Variants in PPARGC1A observed in about 807,000 individuals in gnomAD.
PPARGC1A encodes PPARG coactivator 1 alpha.
PPARGC1A carries 25 observed loss-of-function variants against 88.7 expected under a neutral mutation model. That is an observed-to-expected ratio of 0.28 (90% CI 0.21 to 0.39). The LOEUF is 0.39. Among genes scored for constraint, PPARGC1A ranks in the 10% least tolerant of loss-of-function variants. PPARGC1A has a pLI of 1.00. For synonymous variants in PPARGC1A, 363 were observed against 355.6 expected (o/e 1.02, Z -0.24); for missense variants, 880 against 968.7 (o/e 0.91, Z 1.22).
chr4:24,075,081 GA>G, the PPARGC1A span, among the ~76,000 whole-genome samples: 1 of 152,156 alleles, frequency 6.6e-6, no homozygotes, highest in Non-Finnish European at 1.5e-5. Flanking sequence ...TAGGGGAGAA[GA>G]AAAATTCTAC....
the PPARGC1A span, among the ~76,000 whole-genome samples, chr4:24,088,424 AGAG>A: frequency 6.6e-6 from 1 of 152,046 alleles, no homozygotes; most frequent in East Asian, 1.9e-4. Context: ...CAGAAGAAGA[AGAG>A]GAGGAAACAA....
the PPARGC1A span, among the ~76,000 whole-genome samples, chr4:24,109,403 G>A: frequency 6.6e-6 from 1 of 152,020 alleles, no homozygotes; most frequent in African/African-American, 2.4e-5. Flanking sequence ...TGGGGGTTGT[G>A]GGTGGGAAGG....
the PPARGC1A span, among the ~76,000 whole-genome samples, chr4:24,263,648 T>C: frequency 1.3e-5 from 2 of 152,224 alleles, no homozygotes; most frequent in African/African-American, 2.4e-5. Context: ...CAACCTCTCC[T>C]CTTCCTCCTC....
At chr4:24,079,226 G>C in the PPARGC1A span, among the ~76,000 whole-genome samples, 2 of 151,940 alleles carry the variant, frequency 1.3e-5, no homozygotes, top group African/African-American at 4.8e-5. Flanking sequence ...TTTCCAGAAA[G>C]GCAGTAATAA....
chr4:24,034,121 ATTAT>A, the PPARGC1A span, among the ~76,000 whole-genome samples: 2 of 152,166 alleles, frequency 1.3e-5, no homozygotes, highest in Non-Finnish European at 2.9e-5. Context: ...AAGAAGCCTC[ATTAT>A]TTCTCCCCAG....
the PPARGC1A span, among the ~76,000 whole-genome samples, chr4:24,108,996 TCACACACACACACACACACACAC>T: frequency 4.3e-5 from 6 of 139,200 alleles, no homozygotes; most frequent in African/African-American, 7.9e-5. Flanking sequence ...GCTATAAAAA[TCACACACACACACACACACACAC>T]CACACACACA....
chr4:24,158,786 A>G, the PPARGC1A span, among the ~76,000 whole-genome samples: 38 of 152,310 alleles, frequency 2.5e-4, no homozygotes, highest in African/African-American at 9.1e-4. Context: ...TTGATTCCTA[A>G]AGCACTTAGC....
At chr4:24,267,117 T>C in the PPARGC1A span, among the ~76,000 whole-genome samples, 1 of 152,164 alleles carries the variant, frequency 6.6e-6, no homozygotes, top group South Asian at 2.1e-4. Context: ...ATTACACTGA[T>C]TATGGGATTA....
the PPARGC1A span, among the ~76,000 whole-genome samples, chr4:24,379,113 TGAAAA>T: frequency 6.6e-6 from 1 of 152,148 alleles, no homozygotes; most frequent in Admixed American, 6.5e-5. Flanking sequence ...ATATTAAAAT[TGAAAA>T]GAAAACTTAC....
chr4:24,223,494 C>T, the PPARGC1A span, among the ~76,000 whole-genome samples: 1 of 152,218 alleles, frequency 6.6e-6, no homozygotes, highest in Non-Finnish European at 1.5e-5. Flanking sequence ...AAATGATCTG[C>T]TTTCCTCAGC....
chr4:24,067,165 C>A, the PPARGC1A span, among the ~76,000 whole-genome samples: 10 of 152,202 alleles, frequency 6.6e-5, no homozygotes, highest in African/African-American at 2.4e-4. Context: ...AAATCTAAAT[C>A]TGAAATGTGT....
the PPARGC1A span, among the ~76,000 whole-genome samples, chr4:24,180,003 C>G: frequency 6.6e-6 from 1 of 152,088 alleles, no homozygotes; most frequent in African/African-American, 2.4e-5. Context: ...TGTTGTCTCT[C>G]TAGGATGTAC....
the PPARGC1A span, among the ~76,000 whole-genome samples, chr4:24,276,941 A>G: frequency 6.6e-6 from 1 of 152,140 alleles, no homozygotes; most frequent in African/African-American, 2.4e-5. Flanking sequence ...AGCGTCAGGC[A>G]CCTCAGCTCC....
the PPARGC1A span, among the ~76,000 whole-genome samples, chr4:23,937,149 C>T: frequency 1.3e-4 from 20 of 151,450 alleles, no homozygotes; most frequent in East Asian, 1.4e-3. Context: ...AGAAAGGATA[C>T]GAGATACTAT....
chr4:24,041,280 C>G, the PPARGC1A span, among the ~76,000 whole-genome samples: 1 of 152,146 alleles, frequency 6.6e-6, no homozygotes, highest in East Asian at 1.9e-4. Context: ...GGACGTTTTC[C>G]CTCCAACTCC....
the PPARGC1A span, among the ~76,000 whole-genome samples, chr4:24,436,397 C>A: frequency 6.6e-6 from 1 of 152,210 alleles, no homozygotes; most frequent in African/African-American, 2.4e-5. Flanking sequence ...AGGTGGCCAA[C>A]GAGTTGACAT....
At chr4:24,182,649 G>A in the PPARGC1A span, among the ~76,000 whole-genome samples, 2 of 151,902 alleles carry the variant, frequency 1.3e-5, no homozygotes, top group East Asian at 3.9e-4. Flanking sequence ...CCACAGCCTC[G>A]CCAGCATCTG....
the PPARGC1A span, among the ~76,000 whole-genome samples, chr4:23,998,075 C>A: frequency 6.6e-6 from 1 of 152,200 alleles, no homozygotes; most frequent in Admixed American, 6.5e-5. Context: ...GCTAATACGA[C>A]CTCAGTTCTT....
chr4:24,024,237 A>T, the PPARGC1A span, among the ~76,000 whole-genome samples: 1 of 152,224 alleles, frequency 6.6e-6, no homozygotes, highest in Admixed American at 6.5e-5. Context: ...CAGACATTTT[A>T]CATGACTTAT....
Sources: allele counts gnomAD v4.1 joint callset (sites outside exome capture counted in the v4.1 genomes callset), GRCh38; gene constraint gnomAD v4.1.1; transcripts MANE v1.5; gene names NCBI Gene and HGNC (gene_info 2026-07-23, HGNC 2026-07-21).